Variants in NRF1 observed in about 807,000 individuals in gnomAD.
NRF1 encodes alpha palindromic-binding protein.
NRF1 carries 5 observed loss-of-function variants against 58.5 expected under a neutral mutation model. That is an observed-to-expected ratio of 0.09 (90% CI 0.04 to 0.18). The LOEUF (loss-of-function observed/expected upper bound fraction) is 0.18. NRF1 is among the 10% of genes least tolerant of loss of function. The pLI, the probability that NRF1 is intolerant of heterozygous loss-of-function variation, is 1.00. For synonymous variants in NRF1, 224 were observed against 246.7 expected (o/e 0.91, Z 0.86); for missense variants, 288 against 657.7 (o/e 0.44, Z 6.15).
intron 1 of NRF1, among the ~76,000 whole-genome samples, chr7:129,613,663 C>T (rs750867608): frequency 6.6e-6 from 1 of 151,878 alleles, no homozygotes; most frequent in Admixed American, 6.6e-5. Flanking sequence ...TTTGGGAGGC[C>T]GAGGCGGGGT....
At chr7:129,717,731 A>G (rs1158292910) in intron 9 of NRF1, among the ~76,000 whole-genome samples, 1 of 152,088 alleles carries the variant, frequency 6.6e-6, no homozygotes, top group Admixed American at 6.5e-5. Flanking sequence ...AGCCCCAACA[A>G]CCAGTGTAGC....
intron 5 of NRF1, among the ~76,000 whole-genome samples, chr7:129,691,057 A>AT (rs1802555441): frequency 6.6e-6 from 1 of 152,016 alleles, no homozygotes; most frequent in African/African-American, 2.4e-5. Flanking sequence ...TTTTATTTAA[A>AT]TTTTACGATT....
At chr7:129,734,190 G>T (rs369401047) in intron 10 of NRF1, among the ~76,000 whole-genome samples, 10 of 152,086 alleles carry the variant, frequency 6.6e-5, no homozygotes, top group Non-Finnish European at 1.2e-4. Context: ...CTATGTATAA[G>T]CATTCTAAGT....
rs138281228 is a variant in NRF1, at chr7:129,693,193, G to C, written c.606+2647G>C. The stretch of plus-strand genomic sequence containing the variant: ...CAAAAATGAGTTAAGCGCAGTGGTG[G>C]GGAACAGGATCGCAAGTCCCCTGGG... On this transcript the variant is annotated intron_variant, in intron 5 of 10. Coordinates refer to ENST00000393232, the MANE Select transcript of NRF1 (RefSeq NM_005011.5). 2.3e-4 allele frequency among the ~76,000 whole-genome samples: 35 copies of C among 152,300 alleles called. 1 individual carries two copies. The East Asian group carries it at 4.8e-3, about 21-fold the overall frequency.
intron 5 of NRF1, among the ~76,000 whole-genome samples, chr7:129,691,392 C>G (rs1364453343): frequency 7.6e-6 from 1 of 131,898 alleles, no homozygotes. Flanking sequence ...GACAGAGTCT[C>G]GAGCTGTGGC....
chr7:129,647,777 A>C (rs1205138680), intron 1 of NRF1, among the ~76,000 whole-genome samples: 1 of 152,224 alleles, frequency 6.6e-6, no homozygotes, highest in African/African-American at 2.4e-5. Flanking sequence ...AATATTTACA[A>C]AGTTAACCTA....
intron 1 of NRF1, among the ~76,000 whole-genome samples, chr7:129,616,762 G>A (rs1290810207): frequency 6.6e-6 from 1 of 152,186 alleles, no homozygotes; most frequent in Non-Finnish European, 1.5e-5. Context: ...TCACAACATA[G>A]TTTGTGTAAA....
At chr7:129,696,060 T>TTAAAAAA (rs777936919) in intron 5 of NRF1, among the ~76,000 whole-genome samples, 1 of 53,388 alleles carries the variant, frequency 1.9e-5, no homozygotes, top group African/African-American at 1.3e-4. Context: ...CCGTCTCTAC[T>TTAAAAAA]AAAAAAAAAA....
intron 1 of NRF1, among the ~76,000 whole-genome samples, chr7:129,645,356 G>C (rs1584603108): frequency 6.6e-6 from 1 of 152,164 alleles, no homozygotes; most frequent in African/African-American, 2.4e-5. Flanking sequence ...GTACCACCCC[G>C]CCGGAGAAGT....
chr7:129,702,257 TAA>T (rs1259121553), intron 5 of NRF1, among the ~76,000 whole-genome samples: 1 of 152,262 alleles, frequency 6.6e-6, no homozygotes, highest in African/African-American at 2.4e-5. Flanking sequence ...GCATTTTGAT[TAA>T]AAAGAGAGAG....
At chr7:129,636,509 A>G (rs904057949) in intron 1 of NRF1, among the ~76,000 whole-genome samples, 1 of 152,156 alleles carries the variant, frequency 6.6e-6, no homozygotes, top group African/African-American at 2.4e-5. Flanking sequence ...TGGCCTCCCA[A>G]AGTGCTGGGA....
chr7:129,746,185 C>T (rs142563744), intron 10 of NRF1, among the ~76,000 whole-genome samples: 2 of 152,276 alleles, frequency 1.3e-5, no homozygotes, highest in East Asian at 1.9e-4. Context: ...TTAGGAAACA[C>T]GGAAAAGGGA....
chr7:129,684,163 G>A (rs1584638512), intron 4 of NRF1, among the ~76,000 whole-genome samples: 1 of 152,028 alleles, frequency 6.6e-6, no homozygotes, highest in Non-Finnish European at 1.5e-5. Context: ...ATAAATAAAC[G>A]TGAAAGAAAT....
At chr7:129,616,900 A>G (rs1800671245) in intron 1 of NRF1, among the ~76,000 whole-genome samples, 1 of 152,236 alleles carries the variant, frequency 6.6e-6, no homozygotes, top group Non-Finnish European at 1.5e-5. Context: ...TACTAGTAAA[A>G]TAATCTAGTT....
chr7:129,737,412 A>G (rs964987548), intron 10 of NRF1, among the ~76,000 whole-genome samples: 6 of 152,200 alleles, frequency 3.9e-5, no homozygotes, highest in Admixed American at 3.3e-4. Context: ...GATGCATTGT[A>G]TTTCAACTCT....
chr7:129,696,060 T>TAAAAAA lies in NRF1; in HGVS notation c.606+5535_606+5540dup, dbSNP rs11434445. On this transcript the variant is annotated intron_variant, in intron 5 of 10. Coordinates refer to ENST00000393232, the MANE Select transcript of NRF1 (RefSeq NM_005011.5). ...CAACATGGATAAACCCCGTCTCTAC[T>TAAAAAA]AAAAAAAAAAAAAAAAAAAAAAAAA... Among the ~76,000 whole-genome samples the TAAAAAA allele has an allele frequency of 2.1e-4, 11 of 53,372 alleles. 1 individual carries two copies. The highest frequency in any genetic ancestry group is 7.4e-4 in the Admixed American group (3 of 4,080). 35.0% of individuals were successfully genotyped at this position (53,372 alleles called of 152,430 possible).
At chr7:129,652,682 C>G (rs1801563704) in intron 1 of NRF1, among the ~76,000 whole-genome samples, 1 of 152,186 alleles carries the variant, frequency 6.6e-6, no homozygotes, top group African/African-American at 2.4e-5. Context: ...GCTCCGCCTT[C>G]CGGGTTCACG....
intron 1 of NRF1, among the ~76,000 whole-genome samples, chr7:129,626,473 C>A (rs896394314): frequency 1.3e-5 from 2 of 152,206 alleles, no homozygotes; most frequent in African/African-American, 4.8e-5. Context: ...ACCTCCAAAT[C>A]TTTGTCATTG....
In NRF1 at chr7:129,717,268, C is replaced by T. The variant is rs1340206263; in HGVS notation, c.1115C>T (p.Thr372Met). 5 of 1,613,732 alleles carry T rather than the reference C, an allele frequency of 3.1e-6. No homozygotes were observed. The highest frequency in any genetic ancestry group is 1.7e-5 in the Admixed American group (1 of 59,960). The change falls in exon 9 of 11, where the codon ACG (threonine) becomes ATG (methionine). Residue 372 changes from threonine to methionine, a missense_variant. Thr to Met is a moderately conservative substitution (Grantham distance 81). Transcript: ENST00000393232. Reference sequence around the variant, plus strand: ...CAGGGAGGTGAGATGACCATCCAGACGACGCAAGCATCAGAGGCCACCCAG... The same window carrying T: ...CAGGGAGGTGAGATGACCATCCAGATGACGCAAGCATCAGAGGCCACCCAG... ...TLQGGEMTIQ[T>M]TQASEATQAV... is the part of the protein sequence containing the mutation.
Sources: gnomAD v4.1 joint callset for allele counts (sites outside exome capture counted in the v4.1 genomes callset) on GRCh38, gnomAD v4.1.1 for gene constraint, MANE v1.5 for transcripts, NCBI Gene and HGNC (gene_info 2026-07-23, HGNC 2026-07-21) for gene names.